Variants in KCTD8 observed in about 807,000 individuals in gnomAD.
The protein encoded by KCTD8 is BTB/POZ domain-containing protein KCTD8.
In KCTD8, 27 loss-of-function variants were observed where a neutral mutation model predicts 31.5. That is an observed-to-expected ratio of 0.86 (90% CI 0.63 to 1.18). The LOEUF (loss-of-function observed/expected upper bound fraction) is 1.18. KCTD8 is among the 50% of genes most tolerant of loss of function. KCTD8 has a pLI of 0.00. For synonymous variants in KCTD8, 290 were observed against 280.0 expected (o/e 1.04, Z -0.36); for missense variants, 658 against 647.7 (o/e 1.02, Z -0.17).
intron 1 of KCTD8, among the ~76,000 whole-genome samples, chr4:44,436,250 T>C (rs1721641466): frequency 6.6e-6 from 1 of 151,968 alleles, no homozygotes; most frequent in African/African-American, 2.4e-5. Flanking sequence ...ACACAAAATA[T>C]TGGTACAGAA....
chr4:44,222,422 A>G (rs905274564), intron 1 of KCTD8, among the ~76,000 whole-genome samples: 1 of 152,236 alleles, frequency 6.6e-6, no homozygotes, highest in Non-Finnish European at 1.5e-5. Context: ...GATTCTGTGC[A>G]GGAGTAGCTA....
chr4:44,340,461 G>A (rs1354749813), intron 1 of KCTD8, among the ~76,000 whole-genome samples: 1 of 150,648 alleles, frequency 6.6e-6, no homozygotes. Flanking sequence ...ACCATGCCTG[G>A]CTAATTTTTT....
intron 1 of KCTD8, among the ~76,000 whole-genome samples, chr4:44,226,855 T>C (rs1714976938): frequency 6.6e-6 from 1 of 152,176 alleles, no homozygotes; most frequent in Middle Eastern, 3.2e-3. Flanking sequence ...GAAGTGTCTG[T>C]TCATATCCTT....
chr4:44,360,951 T>C (rs1719477574), intron 1 of KCTD8, among the ~76,000 whole-genome samples: 1 of 152,108 alleles, frequency 6.6e-6, no homozygotes, highest in Admixed American at 6.6e-5. Flanking sequence ...TCCTCTTCCA[T>C]CAAAATCCAT....
intron 1 of KCTD8, among the ~76,000 whole-genome samples, chr4:44,437,494 T>C (rs899194888): frequency 1.3e-5 from 2 of 152,174 alleles, no homozygotes; most frequent in African/African-American, 4.8e-5. Context: ...TACCTTAAAA[T>C]TAATCTAATC....
chr4:44,393,199 C>T (rs931760464), intron 1 of KCTD8, among the ~76,000 whole-genome samples: 1 of 151,982 alleles, frequency 6.6e-6, no homozygotes, highest in African/African-American at 2.4e-5. Flanking sequence ...AGCATTATAA[C>T]AGCAAACTGT....
chr4:44,399,336 G>A (rs1577654894), intron 1 of KCTD8, among the ~76,000 whole-genome samples: 1 of 152,120 alleles, frequency 6.6e-6, no homozygotes, highest in Non-Finnish European at 1.5e-5. Flanking sequence ...AAGTGAAATA[G>A]CAGTGGAGAG....
intron 1 of KCTD8, among the ~76,000 whole-genome samples, chr4:44,193,006 G>A (rs752547463): frequency 2.0e-5 from 3 of 152,114 alleles, no homozygotes; most frequent in East Asian, 1.9e-4. Context: ...CCCTGTGATC[G>A]TGTGAGATAA....
intron 1 of KCTD8, among the ~76,000 whole-genome samples, chr4:44,362,916 T>A (rs1719537124): frequency 6.6e-6 from 1 of 152,104 alleles, no homozygotes. Context: ...GATATATTTA[T>A]AATACTTAAT....
At chr4:44,183,408 T>C (rs1262820560) in intron 1 of KCTD8, among the ~76,000 whole-genome samples, 4 of 151,562 alleles carry the variant, frequency 2.6e-5, no homozygotes, top group African/African-American at 9.7e-5. Flanking sequence ...ATCAAAAATG[T>C]GTGAATTAAG....
intron 1 of KCTD8, among the ~76,000 whole-genome samples, chr4:44,309,836 C>T (rs1436098722): frequency 6.6e-6 from 1 of 151,818 alleles, no homozygotes; most frequent in Non-Finnish European, 1.5e-5. Flanking sequence ...CCATTAAATT[C>T]CATAAATAAG....
At chr4:44,388,827 C>A (rs758465330) in intron 1 of KCTD8, among the ~76,000 whole-genome samples, 13 of 151,698 alleles carry the variant, frequency 8.6e-5, no homozygotes, top group Non-Finnish European at 1.9e-4. Context: ...ATGTAACAAA[C>A]CTGCACTTGT....
At chr4:44,251,658 G>A (rs1715838081) in intron 1 of KCTD8, among the ~76,000 whole-genome samples, 1 of 150,982 alleles carries the variant, frequency 6.6e-6, no homozygotes, top group Admixed American at 6.6e-5. Flanking sequence ...TGTTAATAGG[G>A]TTCCTTATTT....
chr4:44,447,770 G>T lies in KCTD8; in HGVS notation c.754C>A (p.Leu252Ile), dbSNP rs752010504. 6.2e-7 allele frequency: 1 copy of T among 1,611,508 alleles called. No homozygotes were observed. Among genetic ancestry groups the T allele is most frequent in the Non-Finnish European group, 8.5e-7 (1 of 1,178,898 alleles). ...ALAKEVFGDT[L>I]NESRDPDRQP... The stretch of plus-strand genomic sequence containing the variant: ...CGGTCGGGGTCGCGGCTCTCGTTGA[G>T]CGTGTCCCCGAAGACCTCCTTGGCC... The change falls in exon 1 of 2, where the codon CTC (leucine) becomes ATC (isoleucine). Residue 252 changes from leucine to isoleucine, a missense_variant. Transcript: ENST00000360029.
chr4:44,383,423 G>A (rs577357879), intron 1 of KCTD8, among the ~76,000 whole-genome samples: 71 of 151,890 alleles, frequency 4.7e-4, no homozygotes, highest in Non-Finnish European at 8.7e-4. Flanking sequence ...ATATACTACA[G>A]ACCTTTAGGA....
At chr4:44,327,678 A>T (rs1718484305) in intron 1 of KCTD8, among the ~76,000 whole-genome samples, 1 of 151,800 alleles carries the variant, frequency 6.6e-6, no homozygotes, top group Non-Finnish European at 1.5e-5. Flanking sequence ...CTGGGGGAAA[A>T]AAAACAAAAA....
intron 1 of KCTD8, among the ~76,000 whole-genome samples, chr4:44,402,995 G>A (rs1720702940): frequency 6.6e-6 from 1 of 152,176 alleles, no homozygotes; most frequent in African/African-American, 2.4e-5. Context: ...GTGATCAGTG[G>A]AAGAGAAACA....
At chr4:44,259,356 G>A (rs190232900) in intron 1 of KCTD8, among the ~76,000 whole-genome samples, 114 of 151,932 alleles carry the variant, frequency 7.5e-4, no homozygotes, top group Non-Finnish European at 4.4e-5. Flanking sequence ...TTTAAACGAA[G>A]TGTAAACCTG....
At chr4:44,248,775 A>G (rs1560405578) in intron 1 of KCTD8, among the ~76,000 whole-genome samples, 1 of 151,864 alleles carries the variant, frequency 6.6e-6, no homozygotes, top group Non-Finnish European at 1.5e-5. Flanking sequence ...ACTGAGAGAG[A>G]CCTTGAATGC....
Sources: gnomAD v4.1 joint callset for allele counts (sites outside exome capture counted in the v4.1 genomes callset) on GRCh38, gnomAD v4.1.1 for gene constraint, MANE v1.5 for transcripts, NCBI Gene and HGNC (gene_info 2026-07-23, HGNC 2026-07-21) for gene names.